FHIP2A: variants seen among roughly 807,000 people sequenced by gnomAD.
The protein encoded by FHIP2A is FHF complex subunit HOOK interacting protein 2A.
Under a neutral mutation model 93.5 loss-of-function variants are expected in FHIP2A, and 46 were observed. The ratio of observed to expected loss-of-function variants is 0.49; its 90% CI spans 0.39 to 0.63. The LOEUF is 0.63. Among genes scored for constraint, FHIP2A ranks in the 20% least tolerant of loss-of-function variants. FHIP2A has a pLI of 0.00. For missense variants in FHIP2A, 769 were observed against 909.7 expected (o/e 0.85, Z 1.99); for synonymous variants, 332 against 326.5 (o/e 1.02, Z -0.18).
chr10:114,846,995 A>C, intron 11 of FHIP2A, 95 bp from the exon 12 acceptor site: 1 of 1,164,376 alleles, frequency 8.6e-7, no homozygotes, highest in Non-Finnish European at 1.2e-6. Flanking sequence ...TAGCAAAATT[A>C]TGTAACATTT....
intron 16 of FHIP2A, among the ~76,000 whole-genome samples, chr10:114,889,311 C>T (rs1222022638): frequency 1.3e-5 from 2 of 152,268 alleles, no homozygotes; most frequent in South Asian, 2.1e-4. Flanking sequence ...TCCGCCTCTG[C>T]ATAATCCTTA....
chr10:114,862,092 G>A lies in FHIP2A; in HGVS notation c.*552G>A. On this transcript the variant is annotated 3_prime_UTR_variant, in exon 17 of 17. Transcript: ENST00000369248. ...ATTATAGGCGATAAAAATGTGTAGA[G>A]CACCATTAACTTTCTTCAGCTTTTT... is the stretch of plus-strand genomic sequence containing the variant. The A allele has an allele frequency of 1.0e-6, 1 of 952,688 alleles. No individual in the cohort carries two copies. Among genetic ancestry groups the A allele is most frequent in the South Asian group, 4.9e-5 (1 of 20,530 alleles). 59.0% of individuals were successfully genotyped at this position (952,688 alleles called of 1,614,324 possible).
intron 6 of FHIP2A, among the ~76,000 whole-genome samples, 157 bp downstream of exon 6, chr10:114,843,383 G>C (rs940172138): frequency 5.3e-5 from 8 of 151,142 alleles, no homozygotes; most frequent in African/African-American, 1.7e-4. Context: ...TTGGCTCACT[G>C]CAACCTCCGC....
intron 16 of FHIP2A, among the ~76,000 whole-genome samples, chr10:114,888,740 T>C (rs1456851812): frequency 6.6e-6 from 1 of 152,096 alleles, no homozygotes; most frequent in Non-Finnish European, 1.5e-5. Context: ...GTAGCTGGGA[T>C]TACAATCACC....
chr10:114,829,272 A>G (rs1332758479), intron 1 of FHIP2A, among the ~76,000 whole-genome samples: 1 of 151,074 alleles, frequency 6.6e-6, no homozygotes, highest in Non-Finnish European at 1.5e-5. Flanking sequence ...GGGGTGGGCC[A>G]TTCTCGGCCT....
intron 13 of FHIP2A, among the ~76,000 whole-genome samples, chr10:114,854,032 A>G (rs2083751823): frequency 6.6e-6 from 1 of 152,172 alleles, no homozygotes; most frequent in Admixed American, 6.5e-5. Context: ...AGTAAATTAC[A>G]TATTGGGGGA....
chr10:114,897,423 T>C (rs1430742400), intron 16 of FHIP2A, among the ~76,000 whole-genome samples: 1 of 152,350 alleles, frequency 6.6e-6, no homozygotes, highest in African/African-American at 2.4e-5. Flanking sequence ...ATGGCCTTGC[T>C]GAGGAAATTA....
chr10:114,841,159 A>G (rs2083666235), intron 5 of FHIP2A, among the ~76,000 whole-genome samples: 1 of 152,150 alleles, frequency 6.6e-6, no homozygotes, highest in South Asian at 2.1e-4. Context: ...AGAAACATTG[A>G]TTGAAGGACA....
chr10:114,876,199 G>A (rs2083888475), intron 16 of FHIP2A, among the ~76,000 whole-genome samples: 1 of 151,910 alleles, frequency 6.6e-6, no homozygotes, highest in Non-Finnish European at 1.5e-5. Flanking sequence ...TCCTTCCTAC[G>A]TTCCCACCTG....
At chr10:114,844,824 G>A (rs987426536) in intron 7 of FHIP2A, among the ~76,000 whole-genome samples, 4 of 151,942 alleles carry the variant, frequency 2.6e-5, no homozygotes, top group East Asian at 1.9e-4. Flanking sequence ...TTGCTCCGTC[G>A]CCCAGGCTGG....
chr10:114,855,760 T>C (rs2083762937), intron 14 of FHIP2A, among the ~76,000 whole-genome samples: 1 of 152,210 alleles, frequency 6.6e-6, no homozygotes, highest in South Asian at 2.1e-4. Context: ...TAGTGTTAGA[T>C]GAACCTGGCT....
chr10:114,822,456 G>C (rs1057197722), intron 1 of FHIP2A, among the ~76,000 whole-genome samples: 1 of 152,192 alleles, frequency 6.6e-6, no homozygotes, highest in Admixed American at 6.5e-5. Flanking sequence ...GGGGCCGGGG[G>C]TTCGGGGAGC....
intron 16 of FHIP2A, among the ~76,000 whole-genome samples, chr10:114,869,852 T>A (rs1324811887): frequency 6.6e-6 from 1 of 152,238 alleles, no homozygotes; most frequent in East Asian, 1.9e-4. Flanking sequence ...TTCTTAATGG[T>A]TGGAGTCTTT....
At chr10:114,848,537 T>C in intron 12 of FHIP2A, 110 bp from the exon 13 acceptor site, 1 of 658,116 alleles carries the variant, frequency 1.5e-6, no homozygotes, top group Non-Finnish European at 2.7e-6. Flanking sequence ...ACTTATAAAG[T>C]TATTATTGAA....
chr10:114,830,371 C>A (rs1157780659), intron 1 of FHIP2A, among the ~76,000 whole-genome samples: 1 of 148,534 alleles, frequency 6.7e-6, no homozygotes, highest in African/African-American at 2.5e-5. Context: ...CTCCCAGGTT[C>A]AAGCGATTCT....
intron 6 of FHIP2A, 23 bp downstream of exon 6, chr10:114,843,249 T>C (rs773775594): frequency 1.9e-5 from 28 of 1,502,426 alleles, no homozygotes; most frequent in Admixed American, 3.6e-5. Flanking sequence ...CCTTACTTTT[T>C]CCCCCCTAAC....
chr10:114,881,890 C>T (rs1692943127), intron 16 of FHIP2A, among the ~76,000 whole-genome samples: 1 of 152,238 alleles, frequency 6.6e-6, no homozygotes, highest in African/African-American at 2.4e-5. Flanking sequence ...ATTTCCAAGA[C>T]AGTCAAGACC....
exon 17 of FHIP2A, chr10:114,899,733 A>C: frequency 2.2e-6 from 1 of 454,938 alleles, no homozygotes. Context: ...GTGTTTCCCC[A>C]AAGAAAATCA....
chr10:114,862,090 G>C lies in FHIP2A; in HGVS notation c.*550G>C, dbSNP rs2083803715. 1.0e-6 allele frequency: 1 copy of C among 954,004 alleles called. No individual in the cohort carries two copies. 59.1% of individuals were successfully genotyped at this position (954,004 alleles called of 1,614,324 possible). The stretch of plus-strand genomic sequence containing the variant: ...TAATTATAGGCGATAAAAATGTGTA[G>C]AGCACCATTAACTTTCTTCAGCTTT... On this transcript the variant is annotated 3_prime_UTR_variant, in exon 17 of 17. Transcript: ENST00000369248.
Sources: gnomAD v4.1 joint callset for allele counts (sites outside exome capture counted in the v4.1 genomes callset) on GRCh38, gnomAD v4.1.1 for gene constraint, MANE v1.5 for transcripts, NCBI Gene and HGNC (gene_info 2026-07-23, HGNC 2026-07-21) for gene names.